Variants in PCDH15 observed in about 807,000 individuals in gnomAD.
PCDH15 encodes protocadherin-15.
Under a neutral mutation model 178.5 loss-of-function variants are expected in PCDH15, and 129 were observed. The observed-to-expected ratio is 0.72, with a 90% CI of 0.63 to 0.84. The LOEUF (loss-of-function observed/expected upper bound fraction) is 0.84. PCDH15 is among the 40% of genes least tolerant of loss of function. The probability of loss-of-function intolerance (pLI) is 0.00; values close to 1 mark genes in which losing one functional copy is unlikely to be tolerated. For synonymous variants in PCDH15, 800 were observed against 732.0 expected (o/e 1.09, Z -1.50); for missense variants, 2,230 against 2,099.9 (o/e 1.06, Z -1.21).
At chr10:55,461,052 T>G (rs1394859876) in intron 2 of PCDH15, among the ~76,000 whole-genome samples, 2 of 152,268 alleles carry the variant, frequency 1.3e-5, no homozygotes, top group East Asian at 1.9e-4. Flanking sequence ...CAGCCCTGTG[T>G]TAGCTCCAGA....
chr10:55,517,119 G>A (rs1024385546), intron 2 of PCDH15, among the ~76,000 whole-genome samples: 3 of 151,734 alleles, frequency 2.0e-5, no homozygotes, highest in African/African-American at 7.3e-5. Context: ...TAAAGAGGTT[G>A]AAAAAAAGTA....
At chr10:55,071,941 A>C (rs1201143582) in intron 2 of PCDH15, among the ~76,000 whole-genome samples, 1 of 152,166 alleles carries the variant, frequency 6.6e-6, no homozygotes, top group Non-Finnish European at 1.5e-5. Flanking sequence ...GGATTAAGAA[A>C]CTGACTTAAA....
chr10:53,926,051 A>G (rs1035746192), intron 25 of PCDH15, among the ~76,000 whole-genome samples: 1 of 152,236 alleles, frequency 6.6e-6, no homozygotes, highest in Non-Finnish European at 1.5e-5. Flanking sequence ...GATCAAAAGT[A>G]TAAAATCATC....
intron 3 of PCDH15, among the ~76,000 whole-genome samples, chr10:54,823,423 A>G (rs1348216974): frequency 6.6e-6 from 1 of 152,142 alleles, no homozygotes; most frequent in East Asian, 1.9e-4. Context: ...ATGTAATGGT[A>G]AAAGCTTGTA....
chr10:54,601,169 G>A lies in PCDH15; in HGVS notation c.91+63003C>T, dbSNP rs552735663. ...TACTTGCTCAATAAAGGTCATATTGGAAACATAGTCAAAAAATAAATAAAT... is the reference window on the plus strand; with the variant it reads ...TACTTGCTCAATAAAGGTCATATTGAAAACATAGTCAAAAAATAAATAAAT... On this transcript the variant is annotated intron_variant, in intron 2 of 37. Transcript: ENST00000644397. 8.6e-5 allele frequency among the ~76,000 whole-genome samples: 13 copies of A among 151,938 alleles called. No homozygotes were observed. The South Asian group carries it at 2.1e-3, about 24-fold the overall frequency.
At chr10:54,192,130 AAG>A (rs1238632716) in intron 11 of PCDH15, among the ~76,000 whole-genome samples, 1 of 125,066 alleles carries the variant, frequency 8.0e-6, no homozygotes, top group Non-Finnish European at 1.6e-5. Context: ...GAAAGAAAGA[AAG>A]AGAAAGAGAA....
At chr10:55,367,804 T>A (rs2131985836) in intron 2 of PCDH15, among the ~76,000 whole-genome samples, 1 of 152,178 alleles carries the variant, frequency 6.6e-6, no homozygotes, top group Admixed American at 6.5e-5. Context: ...TGGTTAAGCT[T>A]AAGTTTTGTT....
intron 5 of PCDH15, among the ~76,000 whole-genome samples, chr10:54,351,228 T>G (rs143569372): frequency 1.3e-5 from 2 of 152,320 alleles, no homozygotes; most frequent in African/African-American, 4.8e-5. Context: ...GATAACTCTT[T>G]AATGCTATAT....
At chr10:55,205,279 A>G (rs746228955) in intron 1 of PCDH15, among the ~76,000 whole-genome samples, 1 of 152,082 alleles carries the variant, frequency 6.6e-6, no homozygotes, top group Non-Finnish European at 1.5e-5. Flanking sequence ...ATAAACCTAA[A>G]GTATTTAGAA....
At chr10:53,817,406 T>C (rs1010816221) in intron 34 of PCDH15, among the ~76,000 whole-genome samples, 14 of 152,032 alleles carry the variant, frequency 9.2e-5, no homozygotes, top group Non-Finnish European at 1.9e-4. Flanking sequence ...ATTTTTAAAA[T>C]CTTTAGGATC....
intron 3 of PCDH15, among the ~76,000 whole-genome samples, chr10:54,388,428 A>T (rs921733412): frequency 6.6e-5 from 10 of 152,172 alleles, no homozygotes; most frequent in African/African-American, 1.9e-4. Flanking sequence ...CTTCACTTCA[A>T]GTTGCCCAGG....
At chr10:54,168,658 G>A (rs1016485480) in intron 13 of PCDH15, among the ~76,000 whole-genome samples, 2 of 152,166 alleles carry the variant, frequency 1.3e-5, no homozygotes, top group Non-Finnish European at 2.9e-5. Context: ...ATCAGATAGC[G>A]TTTAGGCTCT....
chr10:53,809,100 T>C, intron 37 of PCDH15: 2 of 1,613,968 alleles, frequency 1.2e-6, no homozygotes, highest in Non-Finnish European at 1.7e-6. Context: ...TTTCTCCTTC[T>C]GACTCTGTGG....
chr10:54,184,720 G>A (rs2048332902), intron 12 of PCDH15, among the ~76,000 whole-genome samples: 1 of 151,758 alleles, frequency 6.6e-6, no homozygotes, highest in South Asian at 2.1e-4. Context: ...TCCAGATGTT[G>A]CTAAATGTTC....
chr10:54,039,621 C>T (rs1360029327), intron 18 of PCDH15, among the ~76,000 whole-genome samples: 1 of 151,926 alleles, frequency 6.6e-6, no homozygotes, highest in Non-Finnish European at 1.5e-5. Flanking sequence ...GTGCCCAGAG[C>T]TGTGAATTCC....
At chr10:53,827,282 A>AAAAT in intron 32 of PCDH15, 111 bp downstream of exon 32, 1 of 1,327,718 alleles carries the variant, frequency 7.5e-7, no homozygotes, top group Non-Finnish European at 9.9e-7. Flanking sequence ...ATAATAGAAT[A>AAAAT]AAATAAATAG....
At chr10:54,258,950 A>G (rs1357775413) in intron 8 of PCDH15, among the ~76,000 whole-genome samples, 2 of 152,148 alleles carry the variant, frequency 1.3e-5, no homozygotes, top group Non-Finnish European at 1.5e-5. Flanking sequence ...GCAGTTTTCA[A>G]TATGAGCAAA....
chr10:55,130,925 A>G (rs1021336272), intron 2 of PCDH15, among the ~76,000 whole-genome samples: 1 of 152,110 alleles, frequency 6.6e-6, no homozygotes, highest in African/African-American at 2.4e-5. Context: ...AATATTTTAT[A>G]TGGATCAGTG....
intron 2 of PCDH15, among the ~76,000 whole-genome samples, chr10:55,479,609 C>G (rs1840135033): frequency 6.6e-6 from 1 of 151,478 alleles, no homozygotes; most frequent in Non-Finnish European, 1.5e-5. Context: ...CTAGACTAAG[C>G]CAATGATGAC....
Sources: allele counts gnomAD v4.1 joint callset (sites outside exome capture counted in the v4.1 genomes callset), GRCh38; gene constraint gnomAD v4.1.1; transcripts MANE v1.5; gene names NCBI Gene and HGNC (gene_info 2026-07-23, HGNC 2026-07-21).